Variants in TTYH2 observed in about 807,000 individuals in gnomAD.
TTYH2 encodes protein tweety homolog 2.
A neutral mutation model predicts 68.3 loss-of-function variants in TTYH2; 49 were observed. The observed-to-expected ratio is 0.72, with a 90% CI of 0.57 to 0.91. The LOEUF (loss-of-function observed/expected upper bound fraction) is 0.91. Ranked by LOEUF, TTYH2 falls within the 40% of genes least tolerant of loss-of-function variation. The pLI is 0.00. For synonymous variants in TTYH2, 272 were observed against 300.8 expected (o/e 0.90, Z 0.99); for missense variants, 631 against 700.4 (o/e 0.90, Z 1.12).
chr17:74,227,983 C>CTTTTTTTTTTTTTTTTTTTTTTTTTT lies in TTYH2; in HGVS notation c.303-2887_303-2886insTTTTTTTTTTTTTTTTTTTTTTTTTT, dbSNP rs35080135. ...GAAGGAGGTTTCTTTTCTTTTCTTTCTTTTTTTTTTTTTTTTTTGAGATAG... is the reference window on the plus strand; with the variant it reads ...GAAGGAGGTTTCTTTTCTTTTCTTTCTTTTTTTTTTTTTTTTTTTTTTTTTTTTTTTTTTTTTTTTTTTTGAGATAG... On this transcript the variant is annotated intron_variant, in intron 2 of 13. Transcript: ENST00000269346. Among the ~76,000 whole-genome samples the CTTTTTTTTTTTTTTTTTTTTTTTTTT allele has an allele frequency of 1.8e-4, 20 of 112,554 alleles. 1 individual carries two copies. Among genetic ancestry groups the CTTTTTTTTTTTTTTTTTTTTTTTTTT allele is most frequent in the African/African-American group, 4.6e-4 (10 of 21,536 alleles). The allele number at this position is 112,554 out of a possible 152,430, so 73.8% of individuals were successfully genotyped here. A position where few individuals can be genotyped will look rare whatever the true frequency, so the allele number is the denominator to read the frequency against.
At chr17:74,224,311 C>G (rs1388988552) in intron 2 of TTYH2, among the ~76,000 whole-genome samples, 1 of 152,082 alleles carries the variant, frequency 6.6e-6, no homozygotes, top group African/African-American at 2.4e-5. Context: ...ATGATGAGCC[C>G]AGGAGGCAGA....
At chr17:74,236,304 G>GTGTGC (rs2050442514) in intron 3 of TTYH2, among the ~76,000 whole-genome samples, 1 of 152,222 alleles carries the variant, frequency 6.6e-6, no homozygotes, top group Non-Finnish European at 1.5e-5. Context: ...TCAGGACCCG[G>GTGTGC]TGTGCTGCGG....
At chr17:74,257,372 A>T (rs961040243) in intron 13 of TTYH2, among the ~76,000 whole-genome samples, 2 of 152,118 alleles carry the variant, frequency 1.3e-5, no homozygotes, top group African/African-American at 4.8e-5. Flanking sequence ...CCGGTAAGGG[A>T]CCTAGAGAGA....
Position 74,253,176 on chromosome 17 carries a change from G to T in TTYH2, c.1355G>T (p.Ser452Ile), listed in dbSNP as rs146332173. The T allele has an allele frequency of 1.9e-6, 3 of 1,613,910 alleles. No individual in the cohort carries two copies. Among genetic ancestry groups the T allele is most frequent in the Non-Finnish European group, 2.5e-6 (3 of 1,179,990 alleles). Residue 452 changes from serine to isoleucine, a missense_variant, in exon 12 of 14, where the codon AGC (serine) becomes ATC (isoleucine). By Grantham distance (142) the Ser-to-Ile change is moderately radical. Transcript: ENST00000269346. ...AHSPPRGQLH[S>I]FCSYSSGLGS... ...AGTCCCCCGAGGGGACAGCTTCACA[G>T]CTTCTGCAGCTACAGCAGTGGCCTG...
chr17:74,237,262 C>A (rs756141048), intron 3 of TTYH2, 32 bp from the exon 4 acceptor site: 3 of 1,607,186 alleles, frequency 1.9e-6, no homozygotes. Context: ...GAAGCTCTAC[C>A]TCCATGGCTT....
intron 13 of TTYH2, among the ~76,000 whole-genome samples, chr17:74,254,089 C>T (rs2050668163): frequency 6.6e-6 from 1 of 152,198 alleles, no homozygotes; most frequent in African/African-American, 2.4e-5. Flanking sequence ...AGCAAGAGGA[C>T]TTGACGGCAC....
chr17:74,234,939 A>G (rs1286753172), intron 3 of TTYH2, among the ~76,000 whole-genome samples: 8 of 152,198 alleles, frequency 5.3e-5, no homozygotes, highest in Non-Finnish European at 1.0e-4. Flanking sequence ...GTGTACTAGC[A>G]TGACATTTAG....
chr17:74,230,467 T>G (rs1038944505), intron 2 of TTYH2, among the ~76,000 whole-genome samples: 1 of 152,106 alleles, frequency 6.6e-6, no homozygotes, highest in African/African-American at 2.4e-5. Context: ...GTGGAAGCTG[T>G]GGGCTCTGGG....
intron 1 of TTYH2, among the ~76,000 whole-genome samples, chr17:74,219,403 A>AAAAAAAAAAAAAG (rs1241503126): frequency 1.3e-5 from 2 of 149,550 alleles, no homozygotes; most frequent in African/African-American, 5.1e-5. Context: ...AAAAAAAAAA[A>AAAAAAAAAAAAAG]GAATAACTTA....
chr17:74,252,447 T>C, intron 11 of TTYH2, 71 bp downstream of exon 11: 1 of 1,546,332 alleles, frequency 6.5e-7, no homozygotes, highest in Admixed American at 1.9e-5. Context: ...CAGGGGCCTC[T>C]GCTCTACGAT....
chr17:74,242,789 A>AC (rs904185527), intron 4 of TTYH2, among the ~76,000 whole-genome samples: 2 of 152,072 alleles, frequency 1.3e-5, no homozygotes, highest in Non-Finnish European at 2.9e-5. Flanking sequence ...AGAGGCAGGC[A>AC]CCTTAGGGGC....
At chr17:74,252,504 T>G in intron 11 of TTYH2, 128 bp downstream of exon 11, 1 of 1,203,338 alleles carries the variant, frequency 8.3e-7, no homozygotes, top group Non-Finnish European at 1.1e-6. Context: ...GGCCCGGGCA[T>G]TCAGCCCAAC....
At chr17:74,248,138 C>A in intron 6 of TTYH2, 1 of 431,034 alleles carries the variant, frequency 2.3e-6, no homozygotes, top group Non-Finnish European at 3.1e-6. Context: ...TCAGAGGGGT[C>A]CCCTGCCCGG....
intron 3 of TTYH2, among the ~76,000 whole-genome samples, chr17:74,231,604 G>T (rs921839347): frequency 6.6e-6 from 1 of 151,996 alleles, no homozygotes; most frequent in Non-Finnish European, 1.5e-5. Context: ...TTGAGCCTGG[G>T]AAGCGGAGGT....
In TTYH2 at chr17:74,230,937, G is replaced by A. The variant is rs760073007; in HGVS notation, c.352G>A (p.Ala118Thr). 6.2e-6 allele frequency: 10 copies of A among 1,614,072 alleles called. No homozygotes were observed. The highest frequency in any genetic ancestry group is 1.6e-4 in the Middle Eastern group (1 of 6,078). Reference sequence around the variant, plus strand: ...TGGAAACAGCGAGACCAACGATGGGGCGTACCAGCTGATGTACTCCTTGGA... The same window carrying A: ...TGGAAACAGCGAGACCAACGATGGGACGTACCAGCTGATGTACTCCTTGGA... Reference protein sequence around the residue: ...FYGNSETNDGAYQLMYSLDDA... With the variant: ...FYGNSETNDGTYQLMYSLDDA... Residue 118 changes from alanine (A) to threonine (T), a missense_variant, in exon 3 of 14, where the codon GCG (alanine) becomes ACG (threonine). Ala to Thr is a moderately conservative substitution (Grantham distance 58, BLOSUM62 0). Coordinates refer to ENST00000269346, the MANE Select transcript of TTYH2 (RefSeq NM_032646.6).
intron 1 of TTYH2, among the ~76,000 whole-genome samples, chr17:74,218,531 C>CAA (rs549417385): frequency 2.5e-4 from 32 of 128,492 alleles, no homozygotes; most frequent in Non-Finnish European, 3.5e-4. Context: ...AAAAGGAAAT[C>CAA]AAAAAAAAAA....
At chr17:74,240,862 AC>A (rs2050493034) in intron 4 of TTYH2, 1 of 152,110 alleles carries the variant, frequency 6.6e-6, no homozygotes, top group African/African-American at 2.4e-5. Context: ...GTTTCCAGGA[AC>A]CCCTGACAAC....
intron 2 of TTYH2, among the ~76,000 whole-genome samples, chr17:74,226,333 TGAA>T (rs1238173398): frequency 6.6e-6 from 1 of 151,788 alleles, no homozygotes; most frequent in African/African-American, 2.4e-5. Flanking sequence ...AAGGTGCCTG[TGAA>T]GGAGACCAGG....
In TTYH2 at chr17:74,253,893, A is replaced by G. The variant is rs1245307242; in HGVS notation, c.1524+60A>G. 5 of 1,528,076 alleles carry G rather than the reference A, an allele frequency of 3.3e-6. No homozygotes were observed. The African/African-American group carries it at 4.1e-5, about 13-fold the overall frequency. 94.7% of individuals were successfully genotyped at this position (1,528,076 alleles called of 1,614,324 possible). On this transcript the variant is annotated intron_variant, in intron 13 of 13. Transcript: ENST00000269346. ...ATACATAAAGACAAAACCTCCTGCC[A>G]ACCCAGTGAATCCTGTCCACAAAGG...
Sources: gnomAD v4.1 joint callset for allele counts (sites outside exome capture counted in the v4.1 genomes callset) on GRCh38, gnomAD v4.1.1 for gene constraint, MANE v1.5 for transcripts, NCBI Gene and HGNC (gene_info 2026-07-23, HGNC 2026-07-21) for gene names.